VCL: variants seen among roughly 807,000 people sequenced by gnomAD.
VCL encodes vinculin, also known as epididymis luminal protein 114.
A neutral mutation model predicts 125.7 loss-of-function variants in VCL; 47 were observed. The observed-to-expected ratio is 0.37, with a 90% CI of 0.30 to 0.48. The LOEUF is 0.48. Among genes scored for constraint, VCL ranks in the 20% least tolerant of loss-of-function variants. The pLI, the probability that VCL is intolerant of heterozygous loss-of-function variation, is 0.99. For missense variants in VCL, 1,069 were observed against 1,455.5 expected (o/e 0.73, Z 4.32); for synonymous variants, 458 against 514.6 (o/e 0.89, Z 1.49).
At chr10:74,089,442 T>A (rs1839842003) in intron 9 of VCL, 93 bp downstream of exon 9, 1 of 1,567,812 alleles carries the variant, frequency 6.4e-7, no homozygotes, top group South Asian at 1.1e-5. Flanking sequence ...TCTTATCATT[T>A]ACTGTGGTTG....
At chr10:74,035,134 G>A (rs1365642866) in intron 1 of VCL, among the ~76,000 whole-genome samples, 3 of 152,158 alleles carry the variant, frequency 2.0e-5, no homozygotes. Flanking sequence ...AGTAACACAA[G>A]TCTTCTCAGC....
At chr10:74,049,933 A>G (rs1268083059) in intron 2 of VCL, among the ~76,000 whole-genome samples, 2 of 152,206 alleles carry the variant, frequency 1.3e-5, no homozygotes, top group Non-Finnish European at 2.9e-5. Context: ...TGTTTATAGC[A>G]AACTATTTTA....
intron 1 of VCL, among the ~76,000 whole-genome samples, chr10:74,017,110 G>T (rs112331493): frequency 1.5e-5 from 2 of 137,072 alleles, no homozygotes; most frequent in East Asian, 2.1e-4. Context: ...TGCAGTGGCG[G>T]GATCTCGGCT....
intron 1 of VCL, among the ~76,000 whole-genome samples, chr10:73,999,085 C>T (rs1434456971): frequency 6.6e-6 from 1 of 152,218 alleles, no homozygotes; most frequent in Admixed American, 6.5e-5. Context: ...TTTCCTTCCG[C>T]TCAGCCCTGC....
intron 10 of VCL, 24 bp from the exon 11 acceptor site, chr10:74,094,247 G>A: frequency 4.3e-6 from 7 of 1,613,842 alleles, no homozygotes; most frequent in Non-Finnish European, 5.9e-6. Context: ...ATGTGTGACA[G>A]GATGGCTGTC....
intron 1 of VCL, among the ~76,000 whole-genome samples, chr10:74,016,681 CATA>C (rs1840546955): frequency 6.6e-6 from 1 of 152,166 alleles, no homozygotes; most frequent in Non-Finnish European, 1.5e-5. Flanking sequence ...GTAAAATGTA[CATA>C]ATATTAGCTT....
At chr10:74,093,147 A>C (rs917339875) in intron 10 of VCL, among the ~76,000 whole-genome samples, 24 of 152,242 alleles carry the variant, frequency 1.6e-4, no homozygotes, top group African/African-American at 5.8e-4. Flanking sequence ...AAATAGAGAA[A>C]TTAGCTGGGT....
intron 8 of VCL, among the ~76,000 whole-genome samples, chr10:74,084,483 G>A (rs551036798): frequency 2.2e-3 from 334 of 151,964 alleles, no homozygotes; most frequent in Non-Finnish European, 3.8e-3. Flanking sequence ...AGTAGAGACA[G>A]GGTTTTACCT....
At chr10:74,010,070 A>G (rs923102893) in intron 1 of VCL, among the ~76,000 whole-genome samples, 1 of 152,014 alleles carries the variant, frequency 6.6e-6, no homozygotes, top group Non-Finnish European at 1.5e-5. Context: ...GATTACAAGC[A>G]TGCGCCACAC....
intron 5 of VCL, 83 bp downstream of exon 5, chr10:74,072,935 GTTTTC>G (rs986929473): frequency 5.4e-5 from 82 of 1,526,418 alleles, no homozygotes; most frequent in Non-Finnish European, 6.8e-5. Context: ...GTTTTCTTTT[GTTTTC>G]TTTTCTTTTT....
At position 74,089,277 on chromosome 10, in the gene VCL, A is replaced by G. The variant is rs764989536; in HGVS notation, c.1104A>G (p.Glu368=). 2.5e-6 allele frequency: 4 copies of G among 1,614,212 alleles called. No homozygotes were observed. The highest frequency in any genetic ancestry group is 3.4e-6 in the Non-Finnish European group (4 of 1,180,038). Residue 368 remains glutamate, a synonymous_variant, in exon 9 of 22, where the codon GAA becomes GAG. Transcript: ENST00000211998. The part of the protein sequence containing the change: ...QGLDVLTAKV[E]NAARKLEAMT... ...TGGATGTGCTCACAGCAAAAGTGGA[A>G]AATGCAGCTCGCAAGCTGGAAGCCA...
In VCL at chr10:74,070,784, A is replaced by C. The variant is rs1457200732; in HGVS notation, c.354A>C (p.Gly118=). Residue 118 remains glycine (G), a synonymous_variant, in exon 3 of 22, where the codon GGA becomes GGC. Coordinates refer to ENST00000211998, the MANE Select transcript of VCL (RefSeq NM_014000.3). ...ATGGGTCAAGGGGCATCCTCTCTGG[A>C]ACATCAGACCTGCTCCTTACCTTCG... ...LIDGSRGILS[G]TSDLLLTFDE... is the part of the protein sequence containing the mutation. 3.1e-6 allele frequency: 5 copies of C among 1,614,112 alleles called. No individual in the cohort carries two copies. The highest frequency in any genetic ancestry group is 4.2e-6 in the Non-Finnish European group (5 of 1,180,006).
intron 16 of VCL, among the ~76,000 whole-genome samples, chr10:74,106,663 C>T (rs1840140082): frequency 6.6e-6 from 1 of 152,202 alleles, no homozygotes; most frequent in Non-Finnish European, 1.5e-5. Flanking sequence ...CAGAATCTTT[C>T]TAATATCCAA....
intron 2 of VCL, among the ~76,000 whole-genome samples, chr10:74,046,010 T>C (rs747931836): frequency 6.6e-6 from 1 of 152,244 alleles, no homozygotes; most frequent in Non-Finnish European, 1.5e-5. Flanking sequence ...CTCACCCATA[T>C]TGAAATCTTC....
At chr10:74,049,535 A>C (rs1249909984) in intron 2 of VCL, among the ~76,000 whole-genome samples, 2 of 152,180 alleles carry the variant, frequency 1.3e-5, no homozygotes, top group Non-Finnish European at 2.9e-5. Context: ...TTATGTAGGA[A>C]GTGGGGCTTG....
intron 1 of VCL, among the ~76,000 whole-genome samples, chr10:74,017,031 G>A (rs1253387331): frequency 6.9e-6 from 1 of 144,528 alleles, no homozygotes; most frequent in Non-Finnish European, 1.5e-5. Flanking sequence ...TGTAGCATAT[G>A]TCAGAATTTC....
chr10:74,076,990 T>A (rs1255287072), intron 6 of VCL: 1 of 152,640 alleles, frequency 6.6e-6, no homozygotes, highest in African/African-American at 2.4e-5. Context: ...ATTAAAAAAA[T>A]GTAGTCAGTT....
chr10:74,110,418 G>C (rs1331571857), intron 18 of VCL, among the ~76,000 whole-genome samples: 2 of 152,224 alleles, frequency 1.3e-5, no homozygotes, highest in African/African-American at 4.8e-5. Context: ...AAGTGTGCAA[G>C]ATCAGGAGTT....
chr10:74,002,420 C>T (rs577209875), intron 1 of VCL, among the ~76,000 whole-genome samples: 4 of 152,012 alleles, frequency 2.6e-5, no homozygotes, highest in South Asian at 2.1e-4. Context: ...CCACCACGCC[C>T]GGCTGAATTG....
Sources: allele counts gnomAD v4.1 joint callset (sites outside exome capture counted in the v4.1 genomes callset), GRCh38; gene constraint gnomAD v4.1.1; transcripts MANE v1.5; gene names NCBI Gene and HGNC (gene_info 2026-07-23, HGNC 2026-07-21).